The following PAF1 variants were observed in gnomAD, a reference collection of about 807,000 sequenced individuals.
PAF1 encodes PAF1 component of Paf1/RNA polymerase II complex, also known as RNA polymerase II-associated factor 1 homolog.
A neutral mutation model predicts 68.4 loss-of-function variants in PAF1; 31 were observed. The observed-to-expected ratio is 0.45, with a 90% CI of 0.34 to 0.61. The LOEUF (loss-of-function observed/expected upper bound fraction) is 0.61. Among genes scored for constraint, PAF1 ranks in the 20% least tolerant of loss-of-function variants. The probability of loss-of-function intolerance (pLI) is 0.01; values close to 1 mark genes in which losing one functional copy is unlikely to be tolerated. For missense variants in PAF1, 435 were observed against 692.9 expected, an observed-to-expected ratio of 0.63 and a Z score of 4.18; for synonymous variants, 256 against 240.5, an observed-to-expected ratio of 1.06 and a Z score of -0.60.
chr19:39,387,015 C>A, intron 11 of PAF1: 1 of 605,906 alleles, frequency 1.7e-6, no homozygotes, highest in Admixed American at 2.7e-5. Flanking sequence ...GTTTGGTTGC[C>A]CTACACTGTG....
rs2078362308 is a variant in PAF1, at chr19:39,390,744, G to T, written c.47+74C>A. 2.1e-6 allele frequency: 3 copies of T among 1,456,744 alleles called. No homozygotes were observed. The South Asian group carries it at 3.6e-5, about 18-fold the overall frequency. 90.2% of individuals were successfully genotyped at this position (1,456,744 alleles called of 1,614,324 possible). On this transcript the variant is annotated intron_variant, in intron 1 of 13. Transcript: ENST00000221265. ...TCATGACGTCACGGGCAGACCTGGG[G>T]GCTGGTGACGTTGTTCAGCAGAAAC...
Position 39,390,077 on chromosome 19 carries a change from G to A in PAF1, c.162C>T (p.Asp54=). The A allele has an allele frequency of 6.2e-7, 1 of 1,612,810 alleles. No homozygotes were observed. The highest frequency in any genetic ancestry group is 8.5e-7 in the Non-Finnish European group (1 of 1,178,798). The change falls in exon 3 of 14, where the codon GAC becomes GAT. Residue 54 remains aspartate (D), a synonymous_variant. Coordinates refer to ENST00000221265, the MANE Select transcript of PAF1 (RefSeq NM_019088.4). ...CCATTCCTTAGTCTCACCTGTTCTG[G>A]TCGAAGGGGTAGGTGATGAACTTGG... ...FDPKFITYPF[D]QNRFVQYKAT...
Position 39,385,673 on chromosome 19 carries a change from AAAAAAAAAAACAAAC to A in PAF1, c.*303_*317del, listed in dbSNP as rs2078228981. The A allele has an allele frequency of 1.9e-6, 1 of 523,128 alleles. No individual in the cohort carries two copies. Among genetic ancestry groups the A allele is most frequent in the Non-Finnish European group, 3.4e-6 (1 of 298,120 alleles). 32.4% of individuals were successfully genotyped at this position (523,128 alleles called of 1,614,324 possible). Reference sequence around the variant, plus strand: ...TTTAATGGTCTGGGCTTATTTTGGAAAAAAAAAAAACAAACAAAAAAAACGAATTCTGACCTTCGT... The same window carrying A: ...TTTAATGGTCTGGGCTTATTTTGGAAAAAAAAAACGAATTCTGACCTTCGT... On this transcript the variant is annotated 3_prime_UTR_variant, in exon 14 of 14. Transcript: ENST00000221265.
intron 11 of PAF1, 123 bp downstream of exon 11, chr19:39,388,216 C>A (rs1417297947): frequency 1.1e-6 from 1 of 903,602 alleles, no homozygotes; most frequent in Non-Finnish European, 1.8e-6. Flanking sequence ...ACATCTGCTG[C>A]TCTTGTTTAC....
chr19:39,390,505 A>G (rs1227774739), intron 1 of PAF1, among the ~76,000 whole-genome samples: 1 of 152,232 alleles, frequency 6.6e-6, no homozygotes, highest in East Asian at 1.9e-4. Context: ...AACAAGGCCA[A>G]GTGCTCAATC....
chr19:39,388,380 G>A lies in PAF1; in HGVS notation c.945C>T (p.Phe315=), dbSNP rs773681239. The change falls in exon 11 of 14, where the codon TTC becomes TTT. Residue 315 remains phenylalanine, a synonymous_variant. Transcript: ENST00000221265. The stretch of plus-strand genomic sequence containing the variant: ...TGTAGTAAACCCCGTCACCCTCTCG[G>A]AAGATGAAGAAGTAGTTTTCCTCAT... ...KGYEENYFFI[F]REGDGVYYNE... 4 of 1,614,052 alleles carry A rather than the reference G, an allele frequency of 2.5e-6. No homozygotes were observed. The Admixed American group carries it at 6.7e-5, about 27-fold the overall frequency.
At position 39,389,017 on chromosome 19, in the gene PAF1, T is replaced by C; in HGVS notation, c.568-2A>G. ...GGGTTTGCTGTAATGCTGTGAGATC[T>C]GGTGGAACAAAAACAAGGTGAGGAG... On this transcript the variant is annotated splice_acceptor_variant, in intron 7 of 13. Transcript: ENST00000221265. LOFTEE classifies it high-confidence loss of function. The surrounding 1 kb of genome is among the most constrained non-coding windows in gnomAD (Gnocchi z 5.3). 1 of 1,614,156 alleles carries C rather than the reference T, an allele frequency of 6.2e-7. No homozygotes were observed. Among genetic ancestry groups the C allele is most frequent in the Non-Finnish European group, 8.5e-7 (1 of 1,179,980 alleles).
chr19:39,389,057 C>T lies in PAF1; in HGVS notation c.567+36G>A. On this transcript the variant is annotated intron_variant, in intron 7 of 13. Coordinates refer to ENST00000221265, the MANE Select transcript of PAF1 (RefSeq NM_019088.4). This position sits in a 1 kb window ranked among gnomAD's most constrained non-coding sequence, Gnocchi z 5.3. ...AAGGTGAGGAGGAGCTCTGCAGCCG[C>T]ACCCTTGCCTCTCCCCATCCCAGTC... The T allele has an allele frequency of 1.9e-6, 3 of 1,612,682 alleles. No individual in the cohort carries two copies. The East Asian group carries it at 6.7e-5, about 36-fold the overall frequency.
intron 11 of PAF1, among the ~76,000 whole-genome samples, chr19:39,387,909 A>C (rs2078288241): frequency 6.6e-6 from 1 of 152,158 alleles, no homozygotes; most frequent in African/African-American, 2.4e-5. Flanking sequence ...AGGCCGAGGC[A>C]GGCAGATCAC....
rs989009330 is a variant in PAF1, at chr19:39,390,295, G to A, written c.48-6C>T. 3.1e-6 allele frequency: 5 copies of A among 1,610,162 alleles called. No individual in the cohort carries two copies. In the African/African-American group the frequency reaches 6.7e-5, roughly 22 times the overall value. On this transcript the variant is annotated splice_region_variant and splice_polypyrimidine_tract_variant and intron_variant, in intron 1 of 13. Transcript: ENST00000221265. ...GAGTCCGGTGGGAATTGGGCCTAGT[G>A]GAGAAGAAAGAAACAGTGATAGGTG...
intron 11 of PAF1, among the ~76,000 whole-genome samples, chr19:39,387,781 C>CTA (rs2078285020): frequency 6.6e-6 from 1 of 152,214 alleles, no homozygotes; most frequent in South Asian, 2.1e-4. Flanking sequence ...CACATGAAGT[C>CTA]TGTTACTAAT....
In PAF1 at chr19:39,386,588, T is replaced by G. The variant is rs1433308655; in HGVS notation, c.1093-16A>C. On this transcript the variant is annotated splice_polypyrimidine_tract_variant and intron_variant, in intron 12 of 13. Transcript: ENST00000221265. The surrounding 1 kb of genome is among the most constrained non-coding windows in gnomAD (Gnocchi z 6.1). Reference sequence around the variant, plus strand: ...TCCGTGCCTCCTGGAAGCAGCAAGATTGGAATGAGGGGAAGGAGGGTGTTC... The same window carrying G: ...TCCGTGCCTCCTGGAAGCAGCAAGAGTGGAATGAGGGGAAGGAGGGTGTTC... 3.1e-6 allele frequency: 5 copies of G among 1,613,548 alleles called. No homozygotes were observed. In the African/African-American group the frequency reaches 6.7e-5, roughly 22 times the overall value.
chr19:39,390,438 T>C (rs2078355134), intron 1 of PAF1, 149 bp from the exon 2 acceptor site: 1 of 738,442 alleles, frequency 1.4e-6, no homozygotes, highest in Non-Finnish European at 2.3e-6. Flanking sequence ...AATGCTTTAA[T>C]GGAAGGAGAC....
rs771449728 is a variant in PAF1, at chr19:39,386,134, C to T, written c.1453G>A (p.Gly485Ser). 1.6e-5 allele frequency: 26 copies of T among 1,614,028 alleles called. No homozygotes were observed. The highest frequency in any genetic ancestry group is 1.6e-4 in the Middle Eastern group (1 of 6,084). Residue 485 changes from glycine (G) to serine (S), a missense_variant, in exon 14 of 14, where the codon GGC becomes AGC. By Grantham distance (56) the Gly-to-Ser change is moderately conservative. This residue lies in a region of PAF1 where 83 missense variants were observed against 99.9 expected (regional missense o/e 0.83). Transcript: ENST00000221265. This position sits in a 1 kb window ranked among gnomAD's most constrained non-coding sequence, Gnocchi z 6.1. ...CTCCGCTGGCCACCCCCATTGCTGC[C>T]GCTGTCTGAATCATTGTCACTGCCA... ...QGGSDNDSDSGSNGGGQRSRS... is the reference protein window; with the variant it reads ...QGGSDNDSDSSSNGGGQRSRS...
At position 39,389,828 on chromosome 19, in the gene PAF1, G is replaced by C; in HGVS notation, c.171-67C>G. The stretch of plus-strand genomic sequence containing the variant: ...TCACCCCTCACAGCCCTGCTTCCCA[G>C]AGGCGGAGCTTCTCTGGGGAGGAAC... On this transcript the variant is annotated intron_variant, in intron 3 of 13. Coordinates refer to ENST00000221265, the MANE Select transcript of PAF1 (RefSeq NM_019088.4). The surrounding 1 kb of genome is among the most constrained non-coding windows in gnomAD (Gnocchi z 5.3). 1 of 1,603,442 alleles carries C rather than the reference G, an allele frequency of 6.2e-7. No homozygotes were observed. The highest frequency in any genetic ancestry group is 8.5e-7 in the Non-Finnish European group (1 of 1,171,902).
At position 39,389,390 on chromosome 19, in the gene PAF1, T is replaced by C. The variant is rs1388410072; in HGVS notation, c.360-7A>G. 3 of 1,613,854 alleles carry C rather than the reference T, an allele frequency of 1.9e-6. No homozygotes were observed. Among genetic ancestry groups the C allele is most frequent in the Non-Finnish European group, 2.5e-6 (3 of 1,179,826 alleles). ...CTTCGCGTGCTGCTGGGATCTGGGGTGGGAAATCAGGTATCTCAGGACCCC... is the reference window on the plus strand; with the variant it reads ...CTTCGCGTGCTGCTGGGATCTGGGGCGGGAAATCAGGTATCTCAGGACCCC... On this transcript the variant is annotated splice_polypyrimidine_tract_variant and splice_region_variant and intron_variant, in intron 5 of 13. Coordinates refer to ENST00000221265, the MANE Select transcript of PAF1 (RefSeq NM_019088.4). This position sits in a 1 kb window ranked among gnomAD's most constrained non-coding sequence, Gnocchi z 5.3.
At chr19:39,388,188 G>T in intron 11 of PAF1, 151 bp downstream of exon 11, 3 of 744,906 alleles carry the variant, frequency 4.0e-6, no homozygotes, top group Non-Finnish European at 6.7e-6. Flanking sequence ...ACCAAGTCCA[G>T]CTCATGTGCA....
chr19:39,390,195 G>A (rs1568375406), intron 2 of PAF1, 34 bp from the exon 3 acceptor site: 4 of 1,610,848 alleles, frequency 2.5e-6, no homozygotes, highest in East Asian at 2.2e-5. Context: ...GTGGGCCCCC[G>A]CTGCCCCACC....
In PAF1 at chr19:39,385,920, AACAG is replaced by A. The variant is rs1263103548; in HGVS notation, c.*67_*70del. On this transcript the variant is annotated 3_prime_UTR_variant, in exon 14 of 14. Transcript: ENST00000221265. ...GGAACAAACAAGTGAAAGGCTCACA[AACAG>A]ACCACTAGAAAAGTGCTTTGCTGCT... is the stretch of plus-strand genomic sequence containing the variant. 9.4e-6 allele frequency: 15 copies of A among 1,587,708 alleles called. No homozygotes were observed. The highest frequency in any genetic ancestry group is 1.0e-5 in the Non-Finnish European group (12 of 1,169,988).
Sources: allele counts gnomAD v4.1 joint callset (sites outside exome capture counted in the v4.1 genomes callset), GRCh38; gene constraint gnomAD v4.1.1; regional missense constraint gnomAD v4.1.1; non-coding constraint Gnocchi (gnomAD v3.1); transcripts MANE v1.5; gene names NCBI Gene and HGNC (gene_info 2026-07-23, HGNC 2026-07-21).